Variants in SEC24D observed in about 807,000 individuals in gnomAD.
The protein encoded by SEC24D is SEC24 homolog D, COPII component, also known as protein transport protein Sec24D.
In SEC24D, 69 loss-of-function variants were observed where a neutral mutation model predicts 116.9. The ratio of observed to expected loss-of-function variants is 0.59; its 90% CI spans 0.49 to 0.72. SEC24D has a LOEUF of 0.72. SEC24D is among the 30% of genes least tolerant of loss of function. The pLI is 0.00. For missense variants in SEC24D, 1,131 were observed against 1,264.1 expected, an observed-to-expected ratio of 0.89 and a Z score of 1.60; for synonymous variants, 405 against 442.8, an observed-to-expected ratio of 0.91 and a Z score of 1.07.
chr4:118,810,118 G>T lies in SEC24D; in HGVS notation c.802-4164C>A, dbSNP rs1025260039. Among the ~76,000 whole-genome samples, 3 of 148,370 alleles carry T rather than the reference G, an allele frequency of 2.0e-5. 1 individual carries two copies. The highest frequency in any genetic ancestry group is 7.6e-5 in the African/African-American group (3 of 39,636). ...TGTGTGTGTGTGTGTGTGTGTGTGT[G>T]TGTGTGTGTGTGTGTGTGTCAGAGG... is the stretch of plus-strand genomic sequence containing the variant. On this transcript the variant is annotated intron_variant, in intron 6 of 22. Transcript: ENST00000280551.
chr4:118,752,800 C>T lies in SEC24D; in HGVS notation c.1510G>A (p.Ala504Thr). Reference protein sequence around the residue: ...LHFFNVKSNLAQPQMMVVTDV... With the variant: ...LHFFNVKSNLTQPQMMVVTDV... ...GTCACCACCATCATCTGAGGCTGGGCCAGATTACTCTTCACATTAAAGAAA... is the reference window on the plus strand; with the variant it reads ...GTCACCACCATCATCTGAGGCTGGGTCAGATTACTCTTCACATTAAAGAAA... Residue 504 changes from alanine to threonine, a missense_variant, in exon 12 of 23, where the codon GCC (alanine) becomes ACC (threonine). Physicochemically the swap from Ala to Thr is moderately conservative, Grantham distance 58 (BLOSUM62 0). Transcript: ENST00000280551. The T allele has an allele frequency of 1.2e-6, 2 of 1,611,254 alleles. No homozygotes were observed. Among genetic ancestry groups the T allele is most frequent in the Non-Finnish European group, 1.7e-6 (2 of 1,178,760 alleles).
chr4:118,770,784 T>G (rs1013606041), intron 8 of SEC24D, among the ~76,000 whole-genome samples: 2 of 152,138 alleles, frequency 1.3e-5, no homozygotes, highest in African/African-American at 4.8e-5. Context: ...TCCTGACAGA[T>G]TCAAACTTGC....
In SEC24D at chr4:118,757,793, T is replaced by C; in HGVS notation, c.1349A>G (p.Tyr450Cys). ...PAFIFMIDVSYSNIKNGLVKL... is the reference protein window; with the variant it reads ...PAFIFMIDVSCSNIKNGLVKL... ...GACAAGTCCATTCTTTATGTTACTA[T>C]ATGAAACATCAATCATGAAGATAAA... The change falls in exon 11 of 23, where the codon TAT becomes TGT. Residue 450 changes from tyrosine (Y) to cysteine (C), a missense_variant. Transcript: ENST00000280551. The C allele has an allele frequency of 6.2e-7, 1 of 1,611,742 alleles. No homozygotes were observed. Among genetic ancestry groups the C allele is most frequent in the Non-Finnish European group, 8.5e-7 (1 of 1,178,542 alleles).
At chr4:118,772,759 C>T (rs1727958108) in intron 8 of SEC24D, among the ~76,000 whole-genome samples, 1 of 152,152 alleles carries the variant, frequency 6.6e-6, no homozygotes, top group Admixed American at 6.6e-5. Flanking sequence ...TGTCCTGGCA[C>T]ACGGCAGTAC....
intron 22 of SEC24D, among the ~76,000 whole-genome samples, chr4:118,727,311 A>G (rs946907154): frequency 6.6e-6 from 1 of 152,208 alleles, no homozygotes; most frequent in African/African-American, 2.4e-5. Context: ...CAGGTGCTTA[A>G]TATTTTATTC....
chr4:118,802,954 C>A (rs1729511190), intron 7 of SEC24D, among the ~76,000 whole-genome samples: 1 of 152,078 alleles, frequency 6.6e-6, no homozygotes, highest in African/African-American at 2.4e-5. Flanking sequence ...GGTAGATGAA[C>A]CTTGAAAATA....
intron 8 of SEC24D, among the ~76,000 whole-genome samples, chr4:118,797,272 T>C (rs925679039): frequency 3.3e-5 from 5 of 152,224 alleles, no homozygotes; most frequent in African/African-American, 1.2e-4. Context: ...GGCCCAGTGA[T>C]AATTAAAGCA....
intron 4 of SEC24D, chr4:118,816,987 G>C (rs966671887): frequency 5.5e-6 from 2 of 366,834 alleles, no homozygotes; most frequent in African/African-American, 4.3e-5. Flanking sequence ...ATGTTTATTT[G>C]TGAAATCAGC....
intron 7 of SEC24D, among the ~76,000 whole-genome samples, chr4:118,803,910 T>C (rs1228590395): frequency 2.0e-5 from 3 of 152,002 alleles, no homozygotes; most frequent in Non-Finnish European, 2.9e-5. Context: ...TTAGCTATAA[T>C]AATAATGTTA....
At chr4:118,755,913 TTCC>T in intron 11 of SEC24D, among the ~76,000 whole-genome samples, 1 of 152,166 alleles carries the variant, frequency 6.6e-6, no homozygotes, top group East Asian at 1.9e-4. Context: ...CTTTTATTTT[TTCC>T]TCCTATCTTT....
chr4:118,828,858 G>A (rs1166778236), intron 2 of SEC24D, among the ~76,000 whole-genome samples: 1 of 152,046 alleles, frequency 6.6e-6, no homozygotes, highest in Non-Finnish European at 1.5e-5. Flanking sequence ...ACATTCCCCC[G>A]CCAATGGCAT....
Position 118,744,079 on chromosome 4 carries a change from A to T in SEC24D, c.1904T>A (p.Phe635Tyr). The T allele has an allele frequency of 6.2e-7, 1 of 1,613,672 alleles. No homozygotes were observed. Among genetic ancestry groups the T allele is most frequent in the Non-Finnish European group, 8.5e-7 (1 of 1,179,690 alleles). ...CVAHGCSVTL[F>Y]LFPSQYVDVA... The stretch of plus-strand genomic sequence containing the variant: ...GTCCACATACTGACTAGGAAAGAGG[A>T]AGAGTGTCACAGAGCAGCCGTGAGC... The change falls in exon 15 of 23, where the codon TTC becomes TAC. Residue 635 changes from phenylalanine to tyrosine, a missense_variant. Phe to Tyr is a conservative substitution (Grantham distance 22). Coordinates refer to ENST00000280551, the MANE Select transcript of SEC24D (RefSeq NM_014822.4).
chr4:118,743,927 T>C, intron 15 of SEC24D, 61 bp downstream of exon 15: 2 of 1,455,832 alleles, frequency 1.4e-6, no homozygotes, highest in Non-Finnish European at 1.9e-6. Context: ...AAACCTATAA[T>C]CTAAACAACA....
At chr4:118,788,608 G>A (rs1296006699) in intron 8 of SEC24D, among the ~76,000 whole-genome samples, 1 of 152,216 alleles carries the variant, frequency 6.6e-6, no homozygotes, top group Admixed American at 6.5e-5. Flanking sequence ...AGAAACTTGT[G>A]AAAACTACAT....
intron 8 of SEC24D, among the ~76,000 whole-genome samples, chr4:118,769,373 CAG>C (rs954489264): frequency 1.3e-5 from 2 of 152,126 alleles, no homozygotes; most frequent in African/African-American, 4.8e-5. Context: ...GAGAAAACCA[CAG>C]AGATACTTGT....
chr4:118,797,477 A>G (rs192261936), intron 8 of SEC24D, among the ~76,000 whole-genome samples: 102 of 152,356 alleles, frequency 6.7e-4, no homozygotes, highest in Middle Eastern at 3.4e-3. Context: ...GACGCAGTCC[A>G]TCTGTATTTG....
intron 10 of SEC24D, chr4:118,758,496 T>A (rs1175810427): frequency 6.6e-6 from 1 of 152,188 alleles, no homozygotes; most frequent in East Asian, 1.9e-4. Context: ...ATAAAGCAGC[T>A]GCTACGAACA....
intron 3 of SEC24D, 95 bp from the exon 4 acceptor site, chr4:118,817,507 G>T: frequency 9.5e-7 from 1 of 1,051,040 alleles, no homozygotes; most frequent in African/African-American, 1.6e-5. Flanking sequence ...AATTAAGCCT[G>T]TCTAGTAGGC....
At chr4:118,750,862 T>C (rs1204754986) in intron 13 of SEC24D, among the ~76,000 whole-genome samples, 2 of 152,016 alleles carry the variant, frequency 1.3e-5, no homozygotes, top group East Asian at 3.9e-4. Flanking sequence ...CTGAGACTTT[T>C]TGAGTGATAT....
Sources: allele counts gnomAD v4.1 joint callset (sites outside exome capture counted in the v4.1 genomes callset), GRCh38; gene constraint gnomAD v4.1.1; transcripts MANE v1.5; gene names NCBI Gene and HGNC (gene_info 2026-07-23, HGNC 2026-07-21).